CPPED1: variants seen among roughly 807,000 people sequenced by gnomAD.
CPPED1 encodes calcineurin like phosphoesterase domain containing 1, also known as serine/threonine-protein phosphatase CPPED1.
A neutral mutation model predicts 28.0 loss-of-function variants in CPPED1; 28 were observed. That is an observed-to-expected ratio of 1.00 (90% CI 0.74 to 1.37). The LOEUF is 1.37. Among genes scored for constraint, CPPED1 ranks in the 40% most tolerant of loss-of-function variants. The probability of loss-of-function intolerance (pLI) is 0.00; values close to 1 mark genes in which losing one functional copy is unlikely to be tolerated. For synonymous variants in CPPED1, 198 were observed against 180.2 expected (o/e 1.10, Z -0.79); for missense variants, 504 against 416.5 (o/e 1.21, Z -1.83).
chr16:12,703,076 T>G (rs999090332), intron 3 of CPPED1, among the ~76,000 whole-genome samples: 2 of 152,034 alleles, frequency 1.3e-5, no homozygotes. Context: ...CATTAAATGT[T>G]CTCTCTGGCT....
intron 2 of CPPED1, among the ~76,000 whole-genome samples, chr16:12,754,297 A>T (rs1027497589): frequency 2.6e-5 from 4 of 152,178 alleles, no homozygotes; most frequent in African/African-American, 9.7e-5. Context: ...ACCAAACACC[A>T]GATGAAGCCC....
intron 2 of CPPED1, among the ~76,000 whole-genome samples, chr16:12,763,033 A>T (rs1057301261): frequency 2.0e-5 from 3 of 152,132 alleles, no homozygotes; most frequent in African/African-American, 7.2e-5. Flanking sequence ...GTTCAAGACC[A>T]GCCTGGCCAA....
At chr16:12,766,298 G>GAGAA (rs1731261360) in intron 2 of CPPED1, among the ~76,000 whole-genome samples, 14 of 128,898 alleles carry the variant, frequency 1.1e-4, no homozygotes, top group South Asian at 2.4e-4. Flanking sequence ...GAGAGAAAGA[G>GAGAA]AGAGAGAGAG....
intron 3 of CPPED1, among the ~76,000 whole-genome samples, chr16:12,678,025 G>A (rs1355964466): frequency 6.6e-6 from 1 of 152,164 alleles, no homozygotes; most frequent in Non-Finnish European, 1.5e-5. Context: ...TAGGAGGAAG[G>A]CCACCCTCAC....
At chr16:12,781,949 G>A (rs945772597) in intron 1 of CPPED1, among the ~76,000 whole-genome samples, 2 of 151,694 alleles carry the variant, frequency 1.3e-5, no homozygotes, top group Non-Finnish European at 2.9e-5. Context: ...ATGAAATCTC[G>A]GAATGAGTAA....
chr16:12,799,953 A>C lies in CPPED1; in HGVS notation c.70+3754T>G, dbSNP rs142787381. Among the ~76,000 whole-genome samples the C allele has an allele frequency of 1.2e-4, 19 of 152,258 alleles. No individual in the cohort carries two copies. In the East Asian group the frequency reaches 3.7e-3, roughly 29 times the overall value. On this transcript the variant is annotated intron_variant, in intron 1 of 3. Transcript: ENST00000381774. ...CCTATCAGCAGGGTAGGTATCTTAT[A>C]GATTTATCATCAAGTCTCTCTCCAG...
At chr16:12,777,529 T>C (rs1177526457) in intron 2 of CPPED1, among the ~76,000 whole-genome samples, 2 of 152,230 alleles carry the variant, frequency 1.3e-5, no homozygotes, top group African/African-American at 2.4e-5. Context: ...GCTTACCCCA[T>C]AGAGGAGCTT....
chr16:12,764,917 G>C (rs2080430578), intron 2 of CPPED1, among the ~76,000 whole-genome samples: 1 of 152,178 alleles, frequency 6.6e-6, no homozygotes, highest in African/African-American at 2.4e-5. Context: ...ATGAGTAAAT[G>C]AATTAAAGTC....
chr16:12,798,665 A>G (rs188551859), intron 1 of CPPED1, among the ~76,000 whole-genome samples: 3 of 152,330 alleles, frequency 2.0e-5, no homozygotes, highest in Non-Finnish European at 4.4e-5. Context: ...AAGGGAAAAT[A>G]TCAAACTGGA....
Position 12,704,825 on chromosome 16 carries a change from A to T in CPPED1, c.514T>A (p.Ser172Thr). Residue 172 changes from serine (S) to threonine (T), a missense_variant, in exon 3 of 4, where the codon TCC becomes ACC. Physicochemically the swap from Ser to Thr is moderately conservative, Grantham distance 58. Transcript: ENST00000381774. ...GCCTGCTTCAGGCTGGGGCATTTGGAGGGGTTCTCGTAGAACTGGGAGTTG... is the reference window on the plus strand; with the variant it reads ...GCCTGCTTCAGGCTGGGGCATTTGGTGGGGTTCTCGTAGAACTGGGAGTTG... ...VLNSQFYENP[S>T]KCPSLKQAQD... 6.2e-7 allele frequency: 1 copy of T among 1,614,154 alleles called. No individual in the cohort carries two copies. Among genetic ancestry groups the T allele is most frequent in the Non-Finnish European group, 8.5e-7 (1 of 1,180,016 alleles).
intron 3 of CPPED1, among the ~76,000 whole-genome samples, chr16:12,696,267 G>A (rs947169552): frequency 6.6e-6 from 1 of 152,028 alleles, no homozygotes; most frequent in Non-Finnish European, 1.5e-5. Context: ...TCTCAAGAAC[G>A]CCCGCAAGAA....
chr16:12,669,332 A>C (rs2079842220), intron 3 of CPPED1, among the ~76,000 whole-genome samples: 1 of 152,186 alleles, frequency 6.6e-6, no homozygotes, highest in South Asian at 2.1e-4. Flanking sequence ...GGAAGGGTGG[A>C]ACGGGAGAGT....
intron 3 of CPPED1, among the ~76,000 whole-genome samples, chr16:12,680,250 C>A (rs1043289007): frequency 6.6e-6 from 1 of 152,144 alleles, no homozygotes; most frequent in Non-Finnish European, 1.5e-5. Flanking sequence ...AAGCTTCAAC[C>A]ATTTGCCCCG....
chr16:12,730,376 C>T lies in CPPED1; in HGVS notation c.290-25327G>A, dbSNP rs571087065. Among the ~76,000 whole-genome samples, 6 of 152,298 alleles carry T rather than the reference C, an allele frequency of 3.9e-5. No individual in the cohort carries two copies. In the South Asian group the frequency reaches 1.2e-3, roughly 32 times the overall value. On this transcript the variant is annotated intron_variant, in intron 2 of 3. Coordinates refer to ENST00000381774, the MANE Select transcript of CPPED1 (RefSeq NM_018340.3). The stretch of plus-strand genomic sequence containing the variant: ...AAGAATCAACTGGCTTTGGAAAACT[C>T]TCAGGCAGTATTTGCCAAAGACAAA...
At chr16:12,698,162 G>A (rs1035140087) in intron 3 of CPPED1, among the ~76,000 whole-genome samples, 2 of 152,056 alleles carry the variant, frequency 1.3e-5, no homozygotes, top group African/African-American at 2.4e-5. Context: ...CAAGTGATAC[G>A]GATATTACCT....
At chr16:12,694,731 T>TGGG (rs778479471) in intron 3 of CPPED1, among the ~76,000 whole-genome samples, 110 of 49,182 alleles carry the variant, frequency 2.2e-3, no homozygotes, top group East Asian at 0.018. Context: ...TAAAAAAAGG[T>TGGG]GGGGGGGGGG....
At position 12,704,791 on chromosome 16, in the gene CPPED1, T is replaced by G; in HGVS notation, c.548A>C (p.Gln183Pro). 6.2e-7 allele frequency: 1 copy of G among 1,614,230 alleles called. No individual in the cohort carries two copies. The highest frequency in any genetic ancestry group is 8.5e-7 in the Non-Finnish European group (1 of 1,180,028). The change falls in exon 3 of 4, where the codon CAG (glutamine) becomes CCG (proline). Residue 183 changes from glutamine (Q) to proline (P), a missense_variant. Transcript: ENST00000381774. ...GATGCTCAGCTGCTCGTCCAGCCAC[T>G]GGTCCTGAGCCTGCTTCAGGCTGGG... is the stretch of plus-strand genomic sequence containing the variant. ...KCPSLKQAQD[Q>P]WLDEQLSIAR...
chr16:12,694,017 C>T (rs1360468306), intron 3 of CPPED1, among the ~76,000 whole-genome samples: 1 of 152,122 alleles, frequency 6.6e-6, no homozygotes, highest in Non-Finnish European at 1.5e-5. Flanking sequence ...ACCAGCCTGG[C>T]CAACATGGTG....
At chr16:12,789,979 C>G (rs1463369474) in intron 1 of CPPED1, among the ~76,000 whole-genome samples, 1 of 152,146 alleles carries the variant, frequency 6.6e-6, no homozygotes, top group East Asian at 1.9e-4. Context: ...AAGACTGTCA[C>G]AGAAACCATA....
Sources: gnomAD v4.1 joint callset for allele counts (sites outside exome capture counted in the v4.1 genomes callset) on GRCh38, gnomAD v4.1.1 for gene constraint, MANE v1.5 for transcripts, NCBI Gene and HGNC (gene_info 2026-07-23, HGNC 2026-07-21) for gene names.